SPECC1: variants seen among roughly 807,000 people sequenced by gnomAD.
The protein encoded by SPECC1 is cytospin-B.
Under a neutral mutation model 104.1 loss-of-function variants are expected in SPECC1, and 62 were observed. The ratio of observed to expected loss-of-function variants is 0.60; its 90% CI spans 0.49 to 0.74. The LOEUF (loss-of-function observed/expected upper bound fraction) is 0.74, where lower values mean the gene tolerates loss of function less well. SPECC1 is among the 30% of genes least tolerant of loss of function. The pLI is 0.00. For synonymous variants in SPECC1, 513 were observed against 501.6 expected (o/e 1.02, Z -0.30); for missense variants, 1,306 against 1,310.5 (o/e 1.00, Z 0.05).
chr17:20,091,452 C>A lies in SPECC1; in HGVS notation c.-21-5179C>A, dbSNP rs139026798. Among the ~76,000 whole-genome samples the A allele has an allele frequency of 2.0e-3, 303 of 152,192 alleles. 1 individual carries two copies. Among genetic ancestry groups the A allele is most frequent in the African/African-American group, 6.6e-3 (276 of 41,524 alleles). On this transcript the variant is annotated intron_variant, in intron 1 of 14. Coordinates refer to ENST00000395527, the MANE Select transcript of SPECC1 (RefSeq NM_001243439.2). ...ACCGTGGCACTGCTGACATTGTAGG[C>A]CAGATGCTTCCTTGTTGTAGGGCTC...
chr17:20,283,347 T>A (rs2040838883), intron 12 of SPECC1, among the ~76,000 whole-genome samples: 1 of 152,238 alleles, frequency 6.6e-6, no homozygotes, highest in Non-Finnish European at 1.5e-5. Context: ...AGAAGTCACT[T>A]CAGGCATTCT....
intron 3 of SPECC1, among the ~76,000 whole-genome samples, chr17:20,129,617 A>G (rs892045491): frequency 1.3e-4 from 20 of 152,182 alleles, no homozygotes; most frequent in African/African-American, 4.3e-4. Context: ...ACCTTATAAC[A>G]GGGTCTTTCA....
chr17:20,193,999 C>T (rs1208002965), intron 3 of SPECC1, among the ~76,000 whole-genome samples: 1 of 152,146 alleles, frequency 6.6e-6, no homozygotes, highest in Non-Finnish European at 1.5e-5. Context: ...AACAGGTGTA[C>T]CATAGTTCTT....
intron 1 of SPECC1, among the ~76,000 whole-genome samples, chr17:20,067,827 C>T (rs915156111): frequency 2.6e-5 from 4 of 151,846 alleles, no homozygotes; most frequent in Admixed American, 6.6e-5. Flanking sequence ...AGAACATTAC[C>T]CCCCCGCCCC....
chr17:20,276,329 A>C (rs2040576093), intron 12 of SPECC1, among the ~76,000 whole-genome samples: 1 of 152,186 alleles, frequency 6.6e-6, no homozygotes, highest in Non-Finnish European at 1.5e-5. Flanking sequence ...TATGTTGCCC[A>C]GGCTGATTTT....
intron 5 of SPECC1, among the ~76,000 whole-genome samples, chr17:20,231,523 A>G (rs1042196918): frequency 5.9e-5 from 9 of 152,198 alleles, no homozygotes; most frequent in African/African-American, 2.2e-4. Flanking sequence ...TGTAACCTCA[A>G]TACACATCAC....
intron 4 of SPECC1, among the ~76,000 whole-genome samples, chr17:20,220,125 G>C (rs2037772149): frequency 6.6e-6 from 1 of 152,050 alleles, no homozygotes; most frequent in South Asian, 2.1e-4. Context: ...TTCCAGTTTT[G>C]TTCTTTTTGC....
chr17:20,268,794 C>T (rs1490627257), intron 12 of SPECC1, among the ~76,000 whole-genome samples: 1 of 152,148 alleles, frequency 6.6e-6, no homozygotes, highest in Non-Finnish European at 1.5e-5. Flanking sequence ...GTGGGAGACA[C>T]AGTCCTCTCC....
At chr17:20,102,040 ATACT>A (rs1275240121) in intron 2 of SPECC1, among the ~76,000 whole-genome samples, 3 of 152,252 alleles carry the variant, frequency 2.0e-5, no homozygotes, top group African/African-American at 7.2e-5. Context: ...GTTAATGAAG[ATACT>A]TACTAAATAG....
intron 1 of SPECC1, among the ~76,000 whole-genome samples, chr17:20,029,867 A>T (rs550472766): frequency 1.3e-5 from 2 of 151,448 alleles, no homozygotes; most frequent in Admixed American, 1.3e-4. Context: ...GGTTTTATTT[A>T]TTTTTTTCCA....
intron 1 of SPECC1, among the ~76,000 whole-genome samples, chr17:20,061,944 A>G (rs1483647365): frequency 6.6e-6 from 1 of 152,008 alleles, no homozygotes. Flanking sequence ...TCCATAAACT[A>G]TTTTGTCTAT....
chr17:20,181,109 C>T (rs1219058538), intron 3 of SPECC1, among the ~76,000 whole-genome samples: 23 of 151,974 alleles, frequency 1.5e-4, no homozygotes, highest in Non-Finnish European at 5.9e-5. Context: ...AATTATAAAT[C>T]ATCTAGAAAT....
At position 20,097,350 on chromosome 17, in the gene SPECC1, T is replaced by G. The variant is rs1247737859; in HGVS notation, c.147+552T>G. On this transcript the variant is annotated intron_variant, in intron 2 of 14. Coordinates refer to ENST00000395527, the MANE Select transcript of SPECC1 (RefSeq NM_001243439.2). ...TGAGAGGCTCTCACCGTGCAAAGCC[T>G]AGTGCCTCCTTAGCTGCCCTGAGAT... Among the ~76,000 whole-genome samples, 5 of 152,238 alleles carry G rather than the reference T, an allele frequency of 3.3e-5. No homozygotes were observed. The East Asian group carries it at 9.6e-4, about 29-fold the overall frequency.
At chr17:20,288,691 A>C (rs527821931) in intron 12 of SPECC1, among the ~76,000 whole-genome samples, 3 of 152,002 alleles carry the variant, frequency 2.0e-5, no homozygotes, top group Non-Finnish European at 4.4e-5. Context: ...GAGACTGGGA[A>C]GAAAAAGAGG....
chr17:20,076,877 G>A (rs2152486690), intron 1 of SPECC1, among the ~76,000 whole-genome samples: 1 of 151,554 alleles, frequency 6.6e-6, no homozygotes, highest in Middle Eastern at 3.4e-3. Flanking sequence ...CAGTATCACA[G>A]GGAAAAAAGA....
At chr17:20,052,534 C>T (rs1424894307) in intron 1 of SPECC1, among the ~76,000 whole-genome samples, 1 of 152,186 alleles carries the variant, frequency 6.6e-6, no homozygotes, top group African/African-American at 2.4e-5. Context: ...ACCTTAACGC[C>T]TTATCCATAC....
intron 12 of SPECC1, among the ~76,000 whole-genome samples, chr17:20,293,643 G>C (rs2041244499): frequency 6.6e-6 from 1 of 152,206 alleles, no homozygotes; most frequent in African/African-American, 2.4e-5. Flanking sequence ...TGTGGGGAGA[G>C]TGCAGGAAGG....
At chr17:20,020,696 C>T (rs895377639) in intron 1 of SPECC1, among the ~76,000 whole-genome samples, 15 of 152,164 alleles carry the variant, frequency 9.9e-5, no homozygotes, top group African/African-American at 3.6e-4. Context: ...TCATTCTTAG[C>T]CCTTTATCAT....
At chr17:20,030,857 A>G (rs930787995) in intron 1 of SPECC1, among the ~76,000 whole-genome samples, 2 of 152,130 alleles carry the variant, frequency 1.3e-5, no homozygotes, top group African/African-American at 4.8e-5. Context: ...GGTAAGATAC[A>G]TATAAAATTT....
Sources: gnomAD v4.1 joint callset for allele counts (sites outside exome capture counted in the v4.1 genomes callset) on GRCh38, gnomAD v4.1.1 for gene constraint, MANE v1.5 for transcripts, NCBI Gene and HGNC (gene_info 2026-07-23, HGNC 2026-07-21) for gene names.